Variants in RBPJ observed in about 807,000 individuals in gnomAD.
RBPJ encodes recombination signal binding protein for immunoglobulin kappa J region.
In RBPJ, 9 loss-of-function variants were observed where a neutral mutation model predicts 67.8. The ratio of observed to expected loss-of-function variants is 0.13; its 90% CI spans 0.08 to 0.23. RBPJ has a LOEUF of 0.23. Ranked by LOEUF, RBPJ falls within the 10% of genes least tolerant of loss-of-function variation. The pLI, the probability that RBPJ is intolerant of heterozygous loss-of-function variation, is 1.00. For synonymous variants in RBPJ, 198 were observed against 203.3 expected, an observed-to-expected ratio of 0.97 and a Z score of 0.22; for missense variants, 305 against 595.6, an observed-to-expected ratio of 0.51 and a Z score of 5.08.
intron 1 of RBPJ, among the ~76,000 whole-genome samples, chr4:26,217,706 C>A (rs1381663599): frequency 1.3e-5 from 2 of 152,084 alleles, no homozygotes; most frequent in African/African-American, 4.8e-5. Flanking sequence ...TGGAAAAAAA[C>A]AACAAAAATG....
chr4:26,389,643 A>G (rs551703057), intron 2 of RBPJ, among the ~76,000 whole-genome samples: 1 of 151,394 alleles, frequency 6.6e-6, no homozygotes, highest in African/African-American at 2.4e-5. Flanking sequence ...AGAGTCACAG[A>G]TGTTTGAAGG....
At chr4:26,320,912 CG>C, upstream of RBPJ, 1 of 1,427,304 alleles carries the variant, frequency 7.0e-7, no homozygotes, top group Non-Finnish European at 9.3e-7. Flanking sequence ...AAAGGGAGCG[CG>C]GGGGCTGGGT....
At chr4:26,369,354 C>T (rs1393126010) in intron 1 of RBPJ, among the ~76,000 whole-genome samples, 3 of 152,140 alleles carry the variant, frequency 2.0e-5, no homozygotes, top group African/African-American at 7.2e-5. Context: ...ATCAATATTG[C>T]GCTTACAAGA....
At chr4:26,188,402 A>G (rs902709568) in intron 1 of RBPJ, among the ~76,000 whole-genome samples, 14 of 152,236 alleles carry the variant, frequency 9.2e-5, no homozygotes, top group Non-Finnish European at 1.9e-4. Context: ...TCAACTTGAG[A>G]ACAGATTTGT....
chr4:26,356,584 C>G (rs745370973), intron 1 of RBPJ, among the ~76,000 whole-genome samples: 46 of 152,222 alleles, frequency 3.0e-4, no homozygotes, highest in Non-Finnish European at 3.4e-4. Context: ...TTTATCTTTA[C>G]TTTTAAAATT....
At chr4:26,333,597 C>T (rs780244700) in intron 1 of RBPJ, among the ~76,000 whole-genome samples, 6 of 151,810 alleles carry the variant, frequency 4.0e-5, no homozygotes, top group African/African-American at 1.5e-4. Context: ...ACTCTGTTAC[C>T]CAGGCAGACT....
intron 2 of RBPJ, among the ~76,000 whole-genome samples, chr4:26,396,199 C>T (rs536389533): frequency 2.6e-5 from 4 of 152,270 alleles, no homozygotes; most frequent in Admixed American, 6.5e-5. Flanking sequence ...AAATTAAAGC[C>T]TAAGGTTGAT....
intron 1 of RBPJ, among the ~76,000 whole-genome samples, chr4:26,380,334 A>C (rs923252839): frequency 6.6e-6 from 1 of 152,166 alleles, no homozygotes; most frequent in African/African-American, 2.4e-5. Context: ...GTCCATAAGG[A>C]GATAGATTTG....
chr4:26,392,691 G>A lies in RBPJ; in HGVS notation c.59+6300G>A, dbSNP rs182642683. Among the ~76,000 whole-genome samples, 911 of 152,242 alleles carry A rather than the reference G, an allele frequency of 6.0e-3. 9 individuals are homozygous for A. Among genetic ancestry groups the A allele is most frequent in the Non-Finnish European group, 8.5e-3 (580 of 68,008 alleles). On this transcript the variant is annotated intron_variant, in intron 2 of 10. Coordinates refer to ENST00000355476, the MANE Select transcript of RBPJ (RefSeq NM_015874.6). ...AGGCAGGAGGAAAGATTACAAAAAG[G>A]CAGAAAGGAAACTCACAATTGTGAA...
chr4:26,258,616 T>C (rs1210321747), intron 1 of RBPJ, among the ~76,000 whole-genome samples: 1 of 152,080 alleles, frequency 6.6e-6, no homozygotes, highest in African/African-American at 2.4e-5. Context: ...AAAAACAAAA[T>C]AAAAACTTTA....
rs557976518 is a variant in RBPJ, at chr4:26,431,688, G to A, written c.*681G>A. ...ATTTCAGCAAGTCAAATCTTGCAAAGGCCTGCATATTTTTTTTAAGATTAT... is the reference window on the plus strand; with the variant it reads ...ATTTCAGCAAGTCAAATCTTGCAAAAGCCTGCATATTTTTTTTAAGATTAT... On this transcript the variant is annotated 3_prime_UTR_variant, in exon 11 of 11. Transcript: ENST00000355476. 6.6e-6 allele frequency: 1 copy of A among 151,548 alleles called. No individual in the cohort carries two copies. The highest frequency in any genetic ancestry group is 1.5e-5 in the Non-Finnish European group (1 of 67,918). The allele number at this position is 151,548 out of a possible 1,614,324, so 9.4% of individuals were successfully genotyped here. A position where few individuals can be genotyped will look rare whatever the true frequency, so the allele number is the denominator to read the frequency against.
chr4:26,109,026 T>C, the RBPJ span, among the ~76,000 whole-genome samples: 2 of 151,876 alleles, frequency 1.3e-5, no homozygotes, highest in Non-Finnish European at 2.9e-5. Context: ...GATCCCTCAT[T>C]CTTACTCTTC....
In RBPJ at chr4:26,430,117, A is replaced by G. The variant is rs764696955; in HGVS notation, c.1044+64A>G. ...CAGCTACTCTCAGCTGTGACCTGGC[A>G]TCATTTCATTTCATGGGAGTTTTGA... On this transcript the variant is annotated intron_variant, in intron 9 of 10. Coordinates refer to ENST00000355476, the MANE Select transcript of RBPJ (RefSeq NM_015874.6). The surrounding 1 kb of genome is among the most constrained non-coding windows in gnomAD (Gnocchi z 4.1). The G allele has an allele frequency of 1.0e-4, 161 of 1,546,472 alleles. No individual in the cohort carries two copies. The highest frequency in any genetic ancestry group is 1.3e-4 in the Non-Finnish European group (142 of 1,121,162).
Position 26,431,066 on chromosome 4 carries a change from A to G in RBPJ, c.*59A>G. On this transcript the variant is annotated 3_prime_UTR_variant, in exon 11 of 11. Coordinates refer to ENST00000355476, the MANE Select transcript of RBPJ (RefSeq NM_015874.6). ...GAGTGTGGCAAAAAGTTAACAAAAA[A>G]GGAGAAAAAATGAACAATCGTTTGT... is the stretch of plus-strand genomic sequence containing the variant. 1.4e-6 allele frequency: 2 copies of G among 1,472,982 alleles called. No homozygotes were observed. Among genetic ancestry groups the G allele is most frequent in the Non-Finnish European group, 1.9e-6 (2 of 1,070,314 alleles). The allele number at this position is 1,472,982 out of a possible 1,614,324, so 91.2% of individuals were successfully genotyped here. A position where few individuals can be genotyped will look rare whatever the true frequency, so the allele number is the denominator to read the frequency against.
At chr4:26,222,860 A>C (rs1718958810) in intron 1 of RBPJ, among the ~76,000 whole-genome samples, 1 of 152,012 alleles carries the variant, frequency 6.6e-6, no homozygotes, top group Non-Finnish European at 1.5e-5. Context: ...TTGAGTAAGA[A>C]TTATACTTTA....
the RBPJ span, among the ~76,000 whole-genome samples, chr4:26,144,949 C>A: frequency 6.6e-6 from 1 of 152,050 alleles, no homozygotes; most frequent in Non-Finnish European, 1.5e-5. Flanking sequence ...CAAGTCAAAT[C>A]AACCATACTG....
intron 1 of RBPJ, among the ~76,000 whole-genome samples, chr4:26,286,061 C>CGCTGCAGTGCGCTATGATCGTGCT (rs1721456378): frequency 6.6e-6 from 1 of 152,150 alleles, no homozygotes; most frequent in African/African-American, 2.4e-5. Flanking sequence ...ATGATCGTGC[C>CGCTGCAGTGCGCTATGATCGTGCT]GCTGCACTCC....
At chr4:26,315,832 T>G (rs928205098), upstream of RBPJ, among the ~76,000 whole-genome samples, 1 of 152,174 alleles carries the variant, frequency 6.6e-6, no homozygotes, top group Non-Finnish European at 1.5e-5. Context: ...ATTATCAATA[T>G]TCCTTGCTAG....
At chr4:26,290,452 G>T (rs1305040159) in intron 1 of RBPJ, among the ~76,000 whole-genome samples, 1 of 150,514 alleles carries the variant, frequency 6.6e-6, no homozygotes, top group Non-Finnish European at 1.5e-5. Context: ...TAGAGAGCCA[G>T]CCCAGTTTGG....
Sources: gnomAD v4.1 joint callset for allele counts (sites outside exome capture counted in the v4.1 genomes callset) on GRCh38, gnomAD v4.1.1 for gene constraint, Gnocchi (gnomAD v3.1) non-coding constraint, MANE v1.5 for transcripts, NCBI Gene and HGNC (gene_info 2026-07-23, HGNC 2026-07-21) for gene names.